POLR1D: variants seen among roughly 807,000 people sequenced by gnomAD.
The protein encoded by POLR1D is RNA polymerase I and III subunit D.
Under a neutral mutation model 10.8 loss-of-function variants are expected in POLR1D, and 8 were observed. That is an observed-to-expected ratio of 0.74 (90% CI 0.43 to 1.33). The LOEUF (loss-of-function observed/expected upper bound fraction) is 1.33, where lower values mean the gene tolerates loss of function less well. Ranked by LOEUF, POLR1D falls within the 40% of genes most tolerant of loss-of-function variation. The pLI is 0.01. For synonymous variants in POLR1D, 54 were observed against 57.2 expected (o/e 0.94, Z 0.25); for missense variants, 152 against 161.7 (o/e 0.94, Z 0.32).
chr13:27,636,597 G>C (rs566950258), intron 1 of POLR1D, among the ~76,000 whole-genome samples: 160 of 152,266 alleles, frequency 1.1e-3, no homozygotes, highest in African/African-American at 3.6e-3. Context: ...AAATTTAGGG[G>C]TCTAATATTT....
intron 2 of POLR1D, among the ~76,000 whole-genome samples, chr13:27,657,125 AACCCTCT>A (rs1483355181): frequency 6.6e-6 from 1 of 152,218 alleles, no homozygotes; most frequent in African/African-American, 2.4e-5. Context: ...TATCCATTGT[AACCCTCT>A]ACCAGGGGCT....
Position 27,643,331 on chromosome 13 carries a change from C to T in POLR1D, c.27-5048C>T, listed in dbSNP as rs530922347. Among the ~76,000 whole-genome samples the T allele has an allele frequency of 2.0e-5, 3 of 152,144 alleles. No homozygotes were observed. In the South Asian group the frequency reaches 6.2e-4, roughly 32 times the overall value. On this transcript the variant is annotated intron_variant, in intron 1 of 2. Transcript: ENST00000399697. Reference sequence around the variant, plus strand: ...CCTCAGTGTTCCTATTGAGTTTTACCTTGTCTTTAAAAACGCTTTTCACAA... The same window carrying T: ...CCTCAGTGTTCCTATTGAGTTTTACTTTGTCTTTAAAAACGCTTTTCACAA...
At chr13:27,627,886 A>G (rs1272814592), downstream of POLR1D, among the ~76,000 whole-genome samples, 1 of 62,546 alleles carries the variant, frequency 1.6e-5, no homozygotes, top group East Asian at 4.5e-4. Context: ...ATGGATACAA[A>G]AAAAAAATGC....
chr13:27,650,238 A>T, intron 2 of POLR1D: 1 of 391,548 alleles, frequency 2.6e-6, no homozygotes, highest in Non-Finnish European at 4.5e-6. Context: ...GTTTCATTAA[A>T]TAGGTTTGAA....
At chr13:27,666,896 GGAA>G (rs2138580283) in exon 3 of POLR1D, 1 of 152,210 alleles carries the variant, frequency 6.6e-6, no homozygotes, top group East Asian at 1.9e-4. Context: ...GTTCACAAAA[GGAA>G]GAAGATGAAG....
chr13:27,663,951 A>T lies in POLR1D; in HGVS notation c.102-1735A>T, dbSNP rs574632090. Among the ~76,000 whole-genome samples the T allele has an allele frequency of 6.6e-6, 1 of 152,120 alleles. No individual in the cohort carries two copies. The highest frequency in any genetic ancestry group is 1.5e-5 in the Non-Finnish European group (1 of 68,018). Reference sequence around the variant, plus strand: ...CAAAGACAGGCCCTCTAAGCTTTTTACTCTCTGTGATGGAGGGTAGTTTTT... The same window carrying T: ...CAAAGACAGGCCCTCTAAGCTTTTTTCTCTCTGTGATGGAGGGTAGTTTTT... On this transcript the variant is annotated intron_variant, in intron 2 of 2. Coordinates refer to the POLR1D transcript ENST00000399697. The surrounding 1 kb of genome is among the most constrained non-coding windows in gnomAD (Gnocchi z 4.1).
intron 1 of POLR1D, among the ~76,000 whole-genome samples, chr13:27,645,635 C>G (rs1323377212): frequency 6.6e-6 from 1 of 151,972 alleles, no homozygotes; most frequent in Non-Finnish European, 1.5e-5. Flanking sequence ...GGGAATGGGT[C>G]ACGCTGCACC....
chr13:27,633,303 A>G (rs777805062), intron 1 of POLR1D, among the ~76,000 whole-genome samples: 2 of 152,212 alleles, frequency 1.3e-5, no homozygotes, highest in African/African-American at 2.4e-5. Context: ...CGCATCTCAC[A>G]TTAATGAGAA....
chr13:27,621,677 G>A (rs1039957287), upstream of POLR1D: 1 of 218,764 alleles, frequency 4.6e-6, no homozygotes, highest in Admixed American at 5.8e-5. Context: ...CTGGGCCTCG[G>A]GGTAAGGCGG....
At chr13:27,660,020 A>G (rs1284127320) in intron 2 of POLR1D, among the ~76,000 whole-genome samples, 1 of 152,086 alleles carries the variant, frequency 6.6e-6, no homozygotes, top group African/African-American at 2.4e-5. Context: ...CAGTCATTGA[A>G]CACCCACTGT....
exon 3 of POLR1D, chr13:27,666,937 G>C (rs1045187264): frequency 1.3e-5 from 2 of 152,140 alleles, no homozygotes; most frequent in Non-Finnish European, 2.9e-5. Context: ...CCCCTCCCCA[G>C]TTTTCCAAAG....
chr13:27,621,859 T>TCCTTCCGTCCTCCGCG (rs1315251277), upstream of POLR1D: 31 of 1,012,270 alleles, frequency 3.1e-5, no homozygotes, highest in East Asian at 5.5e-4. Flanking sequence ...TCCTCCTCCC[T>TCCTTCCGTCCTCCGCG]CCTTCCGTCC....
intron 2 of POLR1D, among the ~76,000 whole-genome samples, chr13:27,654,068 G>A (rs946956489): frequency 1.3e-5 from 2 of 152,156 alleles, no homozygotes; most frequent in Admixed American, 6.5e-5. Context: ...CAAGAACTAT[G>A]ATTGATATTT....
intron 2 of POLR1D, among the ~76,000 whole-genome samples, chr13:27,649,746 C>G (rs1473492924): frequency 1.3e-5 from 2 of 152,150 alleles, no homozygotes; most frequent in Non-Finnish European, 2.9e-5. Flanking sequence ...GGTCTAGAAA[C>G]AATGACCACC....
chr13:27,622,010 G>C lies in POLR1D; in HGVS notation c.26+1G>C. The C allele has an allele frequency of 6.3e-7, 1 of 1,589,032 alleles. No homozygotes were observed. The highest frequency in any genetic ancestry group is 8.6e-7 in the Non-Finnish European group (1 of 1,168,088). On this transcript the variant is annotated splice_donor_variant, in intron 1 of 1. Transcript: ENST00000302979. LOFTEE classifies it high-confidence loss of function. ...TGGAAGAGGATCAGGAGCTGGAGAG[G>C]TAACGGCCGAGGAGGAGGCGGGCGG...
At chr13:27,638,419 G>A (rs142153537) in intron 1 of POLR1D, among the ~76,000 whole-genome samples, 4 of 152,270 alleles carry the variant, frequency 2.6e-5, no homozygotes, top group East Asian at 1.9e-4. Flanking sequence ...TCTTGAAATA[G>A]CATTTTCAAG....
downstream of POLR1D, among the ~76,000 whole-genome samples, chr13:27,623,630 G>A (rs562448807): frequency 3.7e-4 from 55 of 149,904 alleles, 1 homozygote; most frequent in South Asian, 0.011. Context: ...GGGGGTAAGG[G>A]AAGAGACAAA....
chr13:27,622,539 C>G (rs1955955832), intron 1 of POLR1D: 1 of 332,794 alleles, frequency 3.0e-6, no homozygotes, highest in East Asian at 7.0e-5. Context: ...TCAACCCTCT[C>G]TTCATCCTCT....
intron 1 of POLR1D, among the ~76,000 whole-genome samples, chr13:27,647,315 A>T (rs762299609): frequency 2.0e-5 from 3 of 152,164 alleles, no homozygotes; most frequent in African/African-American, 7.2e-5. Flanking sequence ...AAATGCAGCA[A>T]TGCAAACAGA....
Sources: allele counts gnomAD v4.1 joint callset (sites outside exome capture counted in the v4.1 genomes callset), GRCh38; gene constraint gnomAD v4.1.1; non-coding constraint Gnocchi (gnomAD v3.1); transcripts MANE v1.5; gene names NCBI Gene and HGNC (gene_info 2026-07-23, HGNC 2026-07-21).